Variants in RIC1 observed in about 807,000 individuals in gnomAD.
RIC1 encodes guanine nucleotide exchange factor subunit RIC1.
A neutral mutation model predicts 169.0 loss-of-function variants in RIC1; 88 were observed. The ratio of observed to expected loss-of-function variants is 0.52; its 90% CI spans 0.44 to 0.62. The LOEUF (loss-of-function observed/expected upper bound fraction) is 0.62. RIC1 is among the 20% of genes least tolerant of loss of function. The pLI is 0.00. For synonymous variants in RIC1, 790 were observed against 601.5 expected, an observed-to-expected ratio of 1.31 and a Z score of -4.59; for missense variants, 1,877 against 1,725.5, an observed-to-expected ratio of 1.09 and a Z score of -1.56.
intron 2 of RIC1, 40 bp from the exon 3 acceptor site, chr9:5,689,919 C>T (rs751582466): frequency 1.5e-6 from 2 of 1,341,596 alleles, no homozygotes; most frequent in Non-Finnish European, 2.1e-6. Flanking sequence ...CAGTTATAGC[C>T]TTACTCTTTA....
At chr9:5,751,581 C>T (rs956358407) in intron 12 of RIC1, among the ~76,000 whole-genome samples, 2 of 150,932 alleles carry the variant, frequency 1.3e-5, no homozygotes, top group Non-Finnish European at 2.9e-5. Context: ...TCTCAAACTC[C>T]TGACCTCAGG....
intron 6 of RIC1, among the ~76,000 whole-genome samples, chr9:5,728,359 C>T (rs779464869): frequency 1.3e-5 from 2 of 152,258 alleles, no homozygotes; most frequent in African/African-American, 4.8e-5. Context: ...AGGATATAAT[C>T]TCCTGGTGTG....
rs921742222 is a variant in RIC1, at chr9:5,689,997, T to C, written c.291T>C (p.Ser97=). Residue 97 remains serine (S), a synonymous_variant, in exon 3 of 26, where the codon TCT becomes TCC. Transcript: ENST00000414202. The part of the protein sequence containing the change: ...NGYILFFHIT[S]TRGDKYLYEP... ...ACATCTTGTTTTTTCATATTACATC[T>C]ACAAGAGGGGACAAGTACCTTTATG... The C allele has an allele frequency of 1.2e-6, 2 of 1,600,438 alleles. No homozygotes were observed. The highest frequency in any genetic ancestry group is 1.7e-6 in the Non-Finnish European group (2 of 1,175,716).
rs367794355 is a variant in RIC1, at chr9:5,693,262, T to C, written c.332+3224T>C. Among the ~76,000 whole-genome samples the C allele has an allele frequency of 2.6e-5, 4 of 152,222 alleles. No individual in the cohort carries two copies. In the East Asian group the frequency reaches 5.8e-4, roughly 22 times the overall value. On this transcript the variant is annotated intron_variant, in intron 3 of 25. Coordinates refer to ENST00000414202, the MANE Select transcript of RIC1 (RefSeq NM_020829.4). ...AATCTTACAAGTTCATCACAGGAGT[T>C]TTTCTAGAGTATCTTAACTTCCCTG...
intron 8 of RIC1, among the ~76,000 whole-genome samples, chr9:5,741,943 C>G (rs1242252629): frequency 2.6e-5 from 4 of 152,082 alleles, no homozygotes; most frequent in Non-Finnish European, 5.9e-5. Context: ...TCTTTGCTTC[C>G]GCTGGTCACT....
chr9:5,716,864 A>G (rs1431558890), intron 4 of RIC1, among the ~76,000 whole-genome samples: 1 of 152,166 alleles, frequency 6.6e-6, no homozygotes, highest in Non-Finnish European at 1.5e-5. Flanking sequence ...TAGAGGTGGT[A>G]GTCTCACTGT....
rs1434612680 is a variant in RIC1 at position 5,739,725 on chromosome 9, G to A, written c.901+1187G>A. ...GCTAATGGCAGCATGGGTCCAGGAG[G>A]GGATGTTGCCACTATTGGGGATGGG... On this transcript the variant is annotated intron_variant, in intron 8 of 25. Coordinates refer to ENST00000414202, the MANE Select transcript of RIC1 (RefSeq NM_020829.4). Among the ~76,000 whole-genome samples the A allele has an allele frequency of 2.0e-5, 3 of 152,158 alleles. No homozygotes were observed. The South Asian group carries it at 6.2e-4, about 32-fold the overall frequency.
At chr9:5,747,269 C>A in intron 11 of RIC1, 33 bp from the exon 12 acceptor site, 1 of 1,558,446 alleles carries the variant, frequency 6.4e-7, no homozygotes, top group South Asian at 1.1e-5. Context: ...TGTTTTCCTC[C>A]TTTGCCCTTT....
chr9:5,639,934 C>A (rs2130300596), intron 1 of RIC1, among the ~76,000 whole-genome samples: 1 of 152,202 alleles, frequency 6.6e-6, no homozygotes, highest in African/African-American at 2.4e-5. Flanking sequence ...TCTTTTTCAT[C>A]CCCTTATTTT....
At chr9:5,634,257 A>T (rs754103031) in intron 1 of RIC1, among the ~76,000 whole-genome samples, 2 of 152,224 alleles carry the variant, frequency 1.3e-5, no homozygotes, top group Non-Finnish European at 2.9e-5. Context: ...ACCTAGAAGT[A>T]GGATTGTTGG....
intron 2 of RIC1, among the ~76,000 whole-genome samples, chr9:5,659,301 C>T (rs910503549): frequency 2.6e-5 from 4 of 152,000 alleles, no homozygotes; most frequent in African/African-American, 4.8e-5. Context: ...ATTACTGTGG[C>T]TTTGTAGTAA....
chr9:5,746,080 T>G lies in RIC1; in HGVS notation c.1245T>G (p.Cys415Trp). 4 of 1,607,486 alleles carry G rather than the reference T, an allele frequency of 2.5e-6. No homozygotes were observed. The highest frequency in any genetic ancestry group is 3.4e-6 in the Non-Finnish European group (4 of 1,175,272). The change falls in exon 11 of 26, where the codon TGT (cysteine) becomes TGG (tryptophan). Residue 415 changes from cysteine to tryptophan, a missense_variant. This residue lies in a region of RIC1 where 1,104 missense variants were observed against 992.0 expected (regional missense o/e 1.11). Coordinates refer to ENST00000414202, the MANE Select transcript of RIC1 (RefSeq NM_020829.4). ...FIKSVLTVNP[C>W]MSNQEQVLLQ... ...AGAGTGTACTCACTGTAAACCCTTGTATGGTAAGTATATTTAAAGCTCTGA... is the reference window on the plus strand; with the variant it reads ...AGAGTGTACTCACTGTAAACCCTTGGATGGTAAGTATATTTAAAGCTCTGA...
intron 1 of RIC1, among the ~76,000 whole-genome samples, chr9:5,637,481 T>C (rs949112040): frequency 1.3e-5 from 2 of 152,230 alleles, no homozygotes; most frequent in African/African-American, 2.4e-5. Context: ...TATGTACTCA[T>C]AGTTATTTTA....
chr9:5,728,368 T>C (rs1824134569), intron 6 of RIC1, among the ~76,000 whole-genome samples: 1 of 152,256 alleles, frequency 6.6e-6, no homozygotes, highest in Admixed American at 6.5e-5. Context: ...TCTCCTGGTG[T>C]GCTGTTTGCT....
intron 7 of RIC1, among the ~76,000 whole-genome samples, chr9:5,738,039 C>A (rs1228545706): frequency 6.6e-6 from 1 of 151,960 alleles, no homozygotes; most frequent in African/African-American, 2.4e-5. Flanking sequence ...CCATGTTGTT[C>A]AAGGGTTAAC....
intron 2 of RIC1, among the ~76,000 whole-genome samples, chr9:5,689,420 ATTAAAGG>A (rs1821466052): frequency 6.6e-6 from 1 of 152,190 alleles, no homozygotes; most frequent in South Asian, 2.1e-4. Flanking sequence ...AATTTTGGAA[ATTAAAGG>A]TTTGCTCTGT....
chr9:5,689,585 A>G (rs117804441), intron 2 of RIC1, among the ~76,000 whole-genome samples: 3,499 of 152,286 alleles, frequency 0.023, 59 homozygotes, highest in South Asian at 0.059. Context: ...ATAAAGCCAT[A>G]AAGTGGCATT....
intron 3 of RIC1, among the ~76,000 whole-genome samples, chr9:5,702,992 T>C (rs961545871): frequency 6.6e-6 from 1 of 152,186 alleles, no homozygotes; most frequent in African/African-American, 2.4e-5. Context: ...ATAAGATTTG[T>C]GTAGGGACAG....
chr9:5,678,316 A>T (rs1473467502), intron 2 of RIC1, among the ~76,000 whole-genome samples: 1 of 152,100 alleles, frequency 6.6e-6, no homozygotes, highest in African/African-American at 2.4e-5. Flanking sequence ...ATACGTGTGC[A>T]TGTGTCTTTA....
Sources: gnomAD v4.1 joint callset for allele counts (sites outside exome capture counted in the v4.1 genomes callset) on GRCh38, gnomAD v4.1.1 for gene constraint, gnomAD v4.1.1 regional missense constraint, MANE v1.5 for transcripts, NCBI Gene and HGNC (gene_info 2026-07-23, HGNC 2026-07-21) for gene names.